Variants in THSD7A observed in about 807,000 individuals in gnomAD.
THSD7A encodes thrombospondin type-1 domain-containing protein 7A.
In THSD7A, 96 loss-of-function variants were observed where a neutral mutation model predicts 231.3. The observed-to-expected ratio is 0.41, with a 90% CI of 0.35 to 0.49. The LOEUF (loss-of-function observed/expected upper bound fraction) is 0.49, where lower values mean the gene tolerates loss of function less well. Among genes scored for constraint, THSD7A ranks in the 20% least tolerant of loss-of-function variants. The pLI is 0.05. For missense variants in THSD7A, 2,290 were observed against 2,070.2 expected (o/e 1.11, Z -2.06); for synonymous variants, 940 against 743.3 (o/e 1.26, Z -4.30).
At chr7:11,450,031 A>G (rs1363260335) in intron 11 of THSD7A, among the ~76,000 whole-genome samples, 3 of 152,080 alleles carry the variant, frequency 2.0e-5, no homozygotes, top group African/African-American at 4.8e-5. Flanking sequence ...TTACCTACTC[A>G]TTCCATTTAG....
chr7:11,425,949 A>G (rs1362045058), intron 15 of THSD7A, among the ~76,000 whole-genome samples: 1 of 152,206 alleles, frequency 6.6e-6, no homozygotes, highest in Non-Finnish European at 1.5e-5. Flanking sequence ...AGAGGAATAA[A>G]AAAATGCTAG....
chr7:11,625,719 G>A (rs1026000475), intron 2 of THSD7A, among the ~76,000 whole-genome samples: 14 of 148,554 alleles, frequency 9.4e-5, no homozygotes, highest in East Asian at 2.0e-4. Flanking sequence ...AACAAACAAT[G>A]CATTAATGAT....
chr7:11,413,465 A>G (rs1783856426), intron 17 of THSD7A, among the ~76,000 whole-genome samples: 1 of 152,120 alleles, frequency 6.6e-6, no homozygotes, highest in Non-Finnish European at 1.5e-5. Flanking sequence ...TGATCAACCA[A>G]TTGTCTTGAA....
chr7:11,538,899 T>C lies in THSD7A; in HGVS notation c.1822+2520A>G, dbSNP rs1283646321. ...GATCACTGGGAGTCTGGACAAAGAA[T>C]ATTTCAGAAAACAAATAGATTTTAA... On this transcript the variant is annotated intron_variant, in intron 6 of 27. Coordinates refer to ENST00000423059, the MANE Select transcript of THSD7A (RefSeq NM_015204.3). Among the ~76,000 whole-genome samples, 2 of 152,184 alleles carry C rather than the reference T, an allele frequency of 1.3e-5. 1 individual carries two copies. The highest frequency in any genetic ancestry group is 2.9e-5 in the Non-Finnish European group (2 of 68,040).
chr7:11,477,488 T>C (rs137958514), intron 7 of THSD7A, among the ~76,000 whole-genome samples: 9 of 149,788 alleles, frequency 6.0e-5, no homozygotes, highest in African/African-American at 2.2e-4. Flanking sequence ...TAGGGAAATA[T>C]TTGAGACTAT....
chr7:11,685,118 T>C (rs1220454190), intron 1 of THSD7A, among the ~76,000 whole-genome samples: 5 of 151,800 alleles, frequency 3.3e-5, no homozygotes, highest in African/African-American at 4.8e-5. Flanking sequence ...AAGTAAATAA[T>C]GGGGAAAGAA....
chr7:11,548,467 A>G (rs945538675), intron 4 of THSD7A, among the ~76,000 whole-genome samples: 1 of 152,074 alleles, frequency 6.6e-6, no homozygotes. Context: ...TACTAAAACT[A>G]TTCCAAAAAA....
rs1785195952 is a variant in THSD7A at position 11,831,666 on chromosome 7, C to T, written c.190+91G>A. 5 of 1,003,338 alleles carry T rather than the reference C, an allele frequency of 5.0e-6. No individual in the cohort carries two copies. The highest frequency in any genetic ancestry group is 3.9e-6 in the Non-Finnish European group (3 of 769,834). The allele number at this position is 1,003,338 out of a possible 1,614,324, so 62.2% of individuals were successfully genotyped here. On this transcript the variant is annotated intron_variant, in intron 1 of 27. Transcript: ENST00000423059. This position sits in a 1 kb window ranked among gnomAD's most constrained non-coding sequence, Gnocchi z 5.0. ...AGGATACCAGCATAACCAAGCCATCCAAAAGCACCGGGGTCCCTACAGAAG... is the reference window on the plus strand; with the variant it reads ...AGGATACCAGCATAACCAAGCCATCTAAAAGCACCGGGGTCCCTACAGAAG...
chr7:11,496,595 C>G (rs971306653), intron 6 of THSD7A, among the ~76,000 whole-genome samples: 4 of 152,090 alleles, frequency 2.6e-5, no homozygotes, highest in Non-Finnish European at 5.9e-5. Context: ...GCATTGTGCT[C>G]AACTATCTAA....
At position 11,375,181 on chromosome 7, in the gene THSD7A, CAAG is replaced by C. The variant is rs1357503836; in HGVS notation, c.*610_*612del. The C allele has an allele frequency of 5.3e-5, 8 of 151,876 alleles. No individual in the cohort carries two copies. The highest frequency in any genetic ancestry group is 1.9e-4 in the African/African-American group (8 of 41,388). 9.4% of individuals were successfully genotyped at this position (151,876 alleles called of 1,614,324 possible). A position where few individuals can be genotyped will look rare whatever the true frequency, so the allele number is the denominator to read the frequency against. On this transcript the variant is annotated 3_prime_UTR_variant, in exon 28 of 28. Transcript: ENST00000423059. ...CCAGCATTCTTACTTTGGAGAGAGA[CAAG>C]AAGTCTTAAAAAAGAGGCTTTGTCT...
At chr7:11,791,567 A>G (rs1783952895) in intron 1 of THSD7A, among the ~76,000 whole-genome samples, 1 of 151,982 alleles carries the variant, frequency 6.6e-6, no homozygotes, top group Non-Finnish European at 1.5e-5. Flanking sequence ...GCTGATAGGA[A>G]GAAAAGTTTT....
At chr7:11,458,148 A>G (rs1785370871) in intron 11 of THSD7A, among the ~76,000 whole-genome samples, 1 of 152,102 alleles carries the variant, frequency 6.6e-6, no homozygotes, top group Admixed American at 6.6e-5. Flanking sequence ...GATTGATTTA[A>G]TGTTTACTAT....
chr7:11,646,084 G>A (rs1011739923), intron 1 of THSD7A, among the ~76,000 whole-genome samples: 1 of 151,888 alleles, frequency 6.6e-6, no homozygotes, highest in African/African-American at 2.4e-5. Flanking sequence ...CTAAATCAAT[G>A]TTTCCCTTTC....
intron 6 of THSD7A, among the ~76,000 whole-genome samples, chr7:11,507,982 T>G (rs1438205441): frequency 2.0e-5 from 3 of 152,110 alleles, no homozygotes; most frequent in South Asian, 2.1e-4. Context: ...AAACTTAAAA[T>G]CATGGCAGAA....
intron 4 of THSD7A, among the ~76,000 whole-genome samples, chr7:11,578,280 T>A (rs941912415): frequency 7.9e-5 from 12 of 152,196 alleles, no homozygotes; most frequent in Non-Finnish European, 1.6e-4. Flanking sequence ...TGCTAGGAAA[T>A]GATTTACATA....
intron 1 of THSD7A, among the ~76,000 whole-genome samples, chr7:11,681,794 A>C (rs1783881096): frequency 6.6e-6 from 1 of 151,972 alleles, no homozygotes; most frequent in Admixed American, 6.6e-5. Flanking sequence ...AACCATCTCC[A>C]AGACACATAG....
intron 1 of THSD7A, among the ~76,000 whole-genome samples, chr7:11,815,526 A>C (rs1298897284): frequency 3.9e-5 from 6 of 152,166 alleles, no homozygotes; most frequent in African/African-American, 1.4e-4. Context: ...CTGCAGAGGA[A>C]AAAATAAAAT....
At position 11,422,475 on chromosome 7, in the gene THSD7A, G is replaced by A. The variant is rs549459432; in HGVS notation, c.3383+2221C>T. 6.6e-5 allele frequency among the ~76,000 whole-genome samples: 10 copies of A among 151,674 alleles called. No individual in the cohort carries two copies. In the South Asian group the frequency reaches 8.3e-4, roughly 13 times the overall value. On this transcript the variant is annotated intron_variant, in intron 16 of 27. Transcript: ENST00000423059. ...AAACATCATTACATGATTAGAGATCGCAATCAATACTGACCTCTCTTCTCT... is the reference window on the plus strand; with the variant it reads ...AAACATCATTACATGATTAGAGATCACAATCAATACTGACCTCTCTTCTCT...
chr7:11,796,299 T>C (rs1784124726), intron 1 of THSD7A, among the ~76,000 whole-genome samples: 1 of 151,202 alleles, frequency 6.6e-6, no homozygotes, highest in East Asian at 1.9e-4. Flanking sequence ...CCTAAAATCA[T>C]ATCCATTAAA....
Sources: allele counts gnomAD v4.1 joint callset (sites outside exome capture counted in the v4.1 genomes callset), GRCh38; gene constraint gnomAD v4.1.1; non-coding constraint Gnocchi (gnomAD v3.1); transcripts MANE v1.5; gene names NCBI Gene and HGNC (gene_info 2026-07-23, HGNC 2026-07-21).